GRK6: variants seen among roughly 807,000 people sequenced by gnomAD.
The protein encoded by GRK6 is G protein-coupled receptor kinase 6.
Under a neutral mutation model 80.8 loss-of-function variants are expected in GRK6, and 37 were observed. The observed-to-expected ratio is 0.46, with a 90% confidence interval of 0.35 to 0.60. The LOEUF is 0.60. GRK6 is among the 20% of genes least tolerant of loss of function. GRK6 has a pLI of 0.00. For synonymous variants in GRK6, 295 were observed against 320.9 expected (o/e 0.92, Z 0.86); for missense variants, 560 against 784.6 (o/e 0.71, Z 3.42).
At chr5:177,426,344 AT>A (rs1468469443), upstream of GRK6, among the ~76,000 whole-genome samples, 1 of 152,192 alleles carries the variant, frequency 6.6e-6, no homozygotes, top group African/African-American at 2.4e-5. Context: ...CCAATCACAT[AT>A]TCGGCCTCCT....
chr5:177,426,232 A>T (rs1028562304), upstream of GRK6, among the ~76,000 whole-genome samples: 5 of 152,176 alleles, frequency 3.3e-5, no homozygotes, highest in African/African-American at 1.2e-4. Context: ...TCCCCGACAA[A>T]ACCCTAGAAA....
In GRK6 at chr5:177,430,915, G is replaced by C; in HGVS notation, c.96G>C (p.Gln32His). The C allele has an allele frequency of 2.5e-6, 4 of 1,614,106 alleles. No individual in the cohort carries two copies. The highest frequency in any genetic ancestry group is 3.4e-6 in the Non-Finnish European group (4 of 1,180,012). The change falls in exon 2 of 16, where the codon CAG (glutamine) becomes CAC (histidine). Residue 32 changes from glutamine to histidine, a missense_variant. Physicochemically the swap from Gln to His is conservative, Grantham distance 24 (BLOSUM62 0). This residue lies in a region of GRK6 where 189 missense variants were observed against 230.2 expected (regional missense o/e 0.82). Transcript: ENST00000355472. ...AAGGCAAAAGCAAGAAATGGCGGCA[G>C]ATGCTCCAGTTCCCTCACATCAGCC... ...NRKGKSKKWR[Q>H]MLQFPHISQC...
Position 177,436,064 on chromosome 5 carries a change from C to T in GRK6, c.1058-9C>T. 6.2e-7 allele frequency: 1 copy of T among 1,610,792 alleles called. No homozygotes were observed. Among genetic ancestry groups the T allele is most frequent in the Non-Finnish European group, 8.5e-7 (1 of 1,177,502 alleles). On this transcript the variant is annotated splice_polypyrimidine_tract_variant and intron_variant, in intron 11 of 15. Transcript: ENST00000355472. ...CTGCCCAGCCCTAACTCCCATGCCGCCCGCCCAGCTCCGGAGGTGGTGAAG... is the reference window on the plus strand; with the variant it reads ...CTGCCCAGCCCTAACTCCCATGCCGTCCGCCCAGCTCCGGAGGTGGTGAAG...
At chr5:177,441,501 G>T in intron 15 of GRK6, 1 of 623,448 alleles carries the variant, frequency 1.6e-6, no homozygotes, top group Non-Finnish European at 2.8e-6. Context: ...GCAGACCGTG[G>T]GATCTACCCA....
intron 13 of GRK6, among the ~76,000 whole-genome samples, chr5:177,439,541 CAAAA>C (rs57996388): frequency 3.0e-5 from 2 of 67,404 alleles, no homozygotes; most frequent in African/African-American, 5.2e-5. Context: ...ACTCCCATCT[CAAAA>C]AAAAAAAAAA....
At chr5:177,434,236 C>T in intron 9 of GRK6, 132 bp downstream of exon 9, 1 of 962,376 alleles carries the variant, frequency 1.0e-6, no homozygotes, top group East Asian at 2.8e-5. Flanking sequence ...GGCTGTGGCA[C>T]CGGCTTAACT....
chr5:177,433,543 C>G lies in GRK6; in HGVS notation c.605C>G (p.Ala202Gly), dbSNP rs751921361. The change falls in exon 8 of 16, where the codon GCC becomes GGC. Residue 202 changes from alanine (A) to glycine (G), a missense_variant. Physicochemically the swap from Ala to Gly is moderately conservative, Grantham distance 60. This residue lies in a region of GRK6 where 77 missense variants were observed against 156.9 expected (regional missense o/e 0.49). Coordinates refer to ENST00000355472, the MANE Select transcript of GRK6 (RefSeq NM_001004106.3). Reference sequence around the variant, plus strand: ...CTGTCTGTCTGGCCACAGGTGTGCGCCTGCCAGGTGCGGGCCACAGGTAAG... The same window carrying G: ...CTGTCTGTCTGGCCACAGGTGTGCGGCTGCCAGGTGCGGGCCACAGGTAAG... ...LGKGGFGEVC[A>G]CQVRATGKMY... 6.2e-7 allele frequency: 1 copy of G among 1,614,002 alleles called. No homozygotes were observed. Among genetic ancestry groups the G allele is most frequent in the South Asian group, 1.1e-5 (1 of 91,076 alleles).
intron 1 of GRK6, 159 bp from the exon 2 acceptor site, chr5:177,430,713 C>A: frequency 1.6e-6 from 1 of 636,404 alleles, no homozygotes; most frequent in Non-Finnish European, 2.8e-6. Context: ...TCCTGGAACG[C>A]AGCAAGGGCG....
In GRK6 at chr5:177,442,879, G is replaced by C. The variant is rs183021818; in HGVS notation, c.*1089G>C. 6.6e-6 allele frequency: 1 copy of C among 152,206 alleles called. No homozygotes were observed. The highest frequency in any genetic ancestry group is 1.5e-5 in the Non-Finnish European group (1 of 68,046). The allele number at this position is 152,206 out of a possible 1,614,324, so 9.4% of individuals were successfully genotyped here. A position where few individuals can be genotyped will look rare whatever the true frequency, so the allele number is the denominator to read the frequency against. On this transcript the variant is annotated 3_prime_UTR_variant, in exon 16 of 16. Coordinates refer to ENST00000355472, the MANE Select transcript of GRK6 (RefSeq NM_001004106.3). ...CCACATGTCTCTGTGTGAATAGTCC[G>C]AGCACAAACCTGGCTAGCCGCCCCT... is the stretch of plus-strand genomic sequence containing the variant.
At chr5:177,439,077 A>C (rs1764323632) in intron 13 of GRK6, among the ~76,000 whole-genome samples, 1 of 152,230 alleles carries the variant, frequency 6.6e-6, no homozygotes, top group Non-Finnish European at 1.5e-5. Context: ...ACCTTGAAAT[A>C]ACTACACTGC....
At chr5:177,430,626 A>G (rs758437064) in intron 1 of GRK6, 2 of 539,292 alleles carry the variant, frequency 3.7e-6, no homozygotes, top group African/African-American at 1.9e-5. Flanking sequence ...TACTTGGAAC[A>G]CTGTCCTCCC....
At chr5:177,437,838 G>T (rs958969835) in intron 13 of GRK6, among the ~76,000 whole-genome samples, 3 of 152,204 alleles carry the variant, frequency 2.0e-5, no homozygotes, top group Non-Finnish European at 4.4e-5. Flanking sequence ...TGTAATTAAC[G>T]GTTCACCAGG....
Position 177,426,741 on chromosome 5 carries a change from C to G in GRK6, c.-105C>G. 1.7e-6 allele frequency: 1 copy of G among 588,156 alleles called. No homozygotes were observed. Among genetic ancestry groups the G allele is most frequent in the Non-Finnish European group, 2.1e-6 (1 of 468,718 alleles). 36.4% of individuals were successfully genotyped at this position (588,156 alleles called of 1,614,324 possible). A position where few individuals can be genotyped will look rare whatever the true frequency, so the allele number is the denominator to read the frequency against. On this transcript the variant is annotated 5_prime_UTR_variant, in exon 1 of 16. Coordinates refer to ENST00000355472, the MANE Select transcript of GRK6 (RefSeq NM_001004106.3). Reference sequence around the variant, plus strand: ...GAGGCCGCGGCGCGGTCACTGCGAGCCGAGCCGAGCCGCGCCGAGCCGCGC... The same window carrying G: ...GAGGCCGCGGCGCGGTCACTGCGAGGCGAGCCGAGCCGCGCCGAGCCGCGC...
chr5:177,426,888 GC>G lies in GRK6; in HGVS notation c.46del (p.Arg16GlyfsTer62). On this transcript the variant is annotated frameshift_variant, in exon 1 of 16. Transcript: ENST00000355472. LOFTEE classifies it high-confidence loss of function. The part of the protein sequence containing the change: ...NIVANTVLLK[A>X]REGGGGNRKG... ...CGTAGCGAACACGGTGCTACTCAAG[GC>G]CCGGGAAGGTGAGGCGGCCGGGTGG... 1 of 1,396,916 alleles carries G rather than the reference GC, an allele frequency of 7.2e-7. No homozygotes were observed. The highest frequency in any genetic ancestry group is 1.6e-5 in the South Asian group (1 of 61,128). The allele number at this position is 1,396,916 out of a possible 1,614,324, so 86.5% of individuals were successfully genotyped here.
At chr5:177,432,363 G>A (rs1289438808) in intron 4 of GRK6, 53 bp downstream of exon 4, 11 of 1,524,804 alleles carry the variant, frequency 7.2e-6, no homozygotes, top group Non-Finnish European at 7.3e-6. Context: ...CCCGTGTCAG[G>A]CACAGGAGTG....
rs565873219 is a variant in GRK6 at position 177,430,891 on chromosome 5, A to G, written c.72A>G (p.Lys24=). 105 of 1,614,130 alleles carry G rather than the reference A, an allele frequency of 6.5e-5. No individual in the cohort carries two copies. The South Asian group carries it at 1.1e-3, about 17-fold the overall frequency. Residue 24 remains lysine (K), a synonymous_variant, in exon 2 of 16, where the codon AAA becomes AAG. Transcript: ENST00000355472. ...CCACAGGTGGCGGTGGAAATCGCAA[A>G]GGCAAAAGCAAGAAATGGCGGCAGA... ...KAREGGGGNR[K]GKSKKWRQML...
Position 177,426,712 on chromosome 5 carries a change from C to CGG in GRK6, c.-131_-130dup. 6.2e-6 allele frequency: 2 copies of CGG among 323,716 alleles called. No individual in the cohort carries two copies. The highest frequency in any genetic ancestry group is 8.8e-6 in the Non-Finnish European group (2 of 227,278). The allele number at this position is 323,716 out of a possible 1,614,324, so 20.1% of individuals were successfully genotyped here. ...GGCTGGCTGCGGCGGCCGGGGAGGCCGGGGAGGCCGCGGCGCGGTCACTGC... is the reference window on the plus strand; with the variant it reads ...GGCTGGCTGCGGCGGCCGGGGAGGCCGGGGGGAGGCCGCGGCGCGGTCACTGC... On this transcript the variant is annotated 5_prime_UTR_variant, in exon 1 of 16. Transcript: ENST00000355472.
chr5:177,433,263 G>A (rs758676458), intron 6 of GRK6, 24 bp downstream of exon 6: 17 of 1,613,460 alleles, frequency 1.1e-5, no homozygotes, highest in Admixed American at 3.3e-5. Flanking sequence ...AGGCTGGGCC[G>A]GGACAGGCCA....
rs1323788555 is a variant in GRK6 at position 177,433,420 on chromosome 5, C to A, written c.597+10C>A. 1 of 1,612,662 alleles carries A rather than the reference C, an allele frequency of 6.2e-7. No homozygotes were observed. Among genetic ancestry groups the A allele is most frequent in the Non-Finnish European group, 8.5e-7 (1 of 1,179,242 alleles). ...AGGTGGCTTTGGGGAGGTGAGTGGC[C>A]AGGCCAGAGCCCCTGGGAGAGTGAA... On this transcript the variant is annotated intron_variant, in intron 7 of 15. Transcript: ENST00000355472.
Sources: gnomAD v4.1 joint callset for allele counts (sites outside exome capture counted in the v4.1 genomes callset) on GRCh38, gnomAD v4.1.1 for gene constraint, gnomAD v4.1.1 regional missense constraint, MANE v1.5 for transcripts, NCBI Gene and HGNC (gene_info 2026-07-23, HGNC 2026-07-21) for gene names.